The following PORCN variants were observed in gnomAD, a reference collection of about 807,000 sequenced individuals.
The protein encoded by PORCN is porcupine O-acyltransferase.
PORCN carries 1 observed loss-of-function variant against 43.0 expected under a neutral mutation model. That is an observed-to-expected ratio of 0.02 (90% CI 0.01 to 0.11). PORCN has a LOEUF of 0.11. Ranked by LOEUF, PORCN falls within the 10% of genes least tolerant of loss-of-function variation. The pLI, the probability that PORCN is intolerant of heterozygous loss-of-function variation, is 1.00. For synonymous variants in PORCN, 148 were observed against 166.4 expected (o/e 0.89, Z 0.85); for missense variants, 240 against 392.1 (o/e 0.61, Z 3.28).
At chrX:48,514,744 G>A (rs782148296) in intron 10 of PORCN, 119 bp downstream of exon 10, 2 of 566,501 alleles carry the variant, frequency 3.5e-6, no homozygotes, top group South Asian at 2.4e-5. Context: ...CCCTTGTCGA[G>A]CTGCAGTTCT....
chrX:48,515,696 C>T, intron 10 of PORCN, 21 bp from the exon 11 acceptor site: 1 of 1,188,213 alleles, frequency 8.4e-7, no homozygotes. Context: ...AGAATTTTAT[C>T]CCACATCTCT....
At chrX:48,514,488 G>A (rs1221053094) in intron 9 of PORCN, 37 bp from the exon 10 acceptor site, 1 of 1,190,933 alleles carries the variant, frequency 8.4e-7, no homozygotes, top group African/African-American at 1.8e-5. Flanking sequence ...GATGAGTTGA[G>A]ATCCCAAATG....
chrX:48,518,185 A>G (rs1401766269), intron 14 of PORCN, among the ~76,000 whole-genome samples: 2 of 109,973 alleles, frequency 1.8e-5, no homozygotes, highest in African/African-American at 6.6e-5. Context: ...AAGTGCTAGG[A>G]TAACAGGCAT....
intron 10 of PORCN, among the ~76,000 whole-genome samples, 191 bp downstream of exon 10, chrX:48,514,816 T>C (rs1378138094): frequency 2.7e-5 from 3 of 110,964 alleles, no homozygotes; most frequent in Non-Finnish European, 5.7e-5. Context: ...TGTTGATAAG[T>C]GCTATGGTTA....
intron 4 of PORCN, 78 bp downstream of exon 4, chrX:48,512,013 T>A (rs1271157707): frequency 2.5e-6 from 2 of 790,295 alleles, no homozygotes; most frequent in Non-Finnish European, 3.8e-6. Flanking sequence ...ACCCTGTGCC[T>A]TTCCTCTCCT....
Position 48,512,921 on chromosome X carries a change from A to G in PORCN, c.704+69A>G, listed in dbSNP as rs868970361. Reference sequence around the variant, plus strand: ...TGAGTGGGGGCAGAGCCCATGACCAATGGGTTCTGTGTGTCCAAGTGTGTC... The same window carrying G: ...TGAGTGGGGGCAGAGCCCATGACCAGTGGGTTCTGTGTGTCCAAGTGTGTC... On this transcript the variant is annotated intron_variant, in intron 7 of 14. Transcript: ENST00000326194. The G allele has an allele frequency of 2.8e-5, 32 of 1,148,040 alleles. No individual in the cohort carries two copies. In the Middle Eastern group the frequency reaches 3.1e-3, roughly 111 times the overall value. 94.6% of individuals were successfully genotyped at this position (1,148,040 alleles called of 1,213,427 possible). A position where few individuals can be genotyped will look rare whatever the true frequency, so the allele number is the denominator to read the frequency against.
At position 48,520,538 on chromosome X, in the gene PORCN, A is replaced by T; in HGVS notation, c.*62A>T. ...CCTCTCAGGGTGCCACTGATGGGGG[A>T]TGAGGGAAGGCCCTCTCTCTACTCC... On this transcript the variant is annotated 3_prime_UTR_variant, in exon 15 of 15. Coordinates refer to ENST00000326194, the MANE Select transcript of PORCN (RefSeq NM_203475.3). 1.1e-6 allele frequency: 1 copy of T among 871,812 alleles called. No homozygotes were observed. The highest frequency in any genetic ancestry group is 1.7e-6 in the Non-Finnish European group (1 of 589,819). 71.8% of individuals were successfully genotyped at this position (871,812 alleles called of 1,213,427 possible).
At chrX:48,514,198 A>G (rs2061697491) in intron 8 of PORCN, 42 bp from the exon 9 acceptor site, 1 of 1,209,246 alleles carries the variant, frequency 8.3e-7, no homozygotes, top group African/African-American at 1.8e-5. Flanking sequence ...TCATGTTGGG[A>G]CCTGAACGTG....
chrX:48,512,154 G>A (rs2061681045), intron 4 of PORCN, 172 bp from the exon 5 acceptor site: 7 of 564,925 alleles, frequency 1.2e-5, no homozygotes, highest in Non-Finnish European at 9.0e-6. Flanking sequence ...TGACTCTCTG[G>A]AGTAAGGGCA....
intron 1 of PORCN, chrX:48,509,553 CTTCA>C: frequency 9.2e-7 from 1 of 1,085,243 alleles, no homozygotes; most frequent in Non-Finnish European, 1.2e-6. Context: ...GACAGAGGTC[CTTCA>C]TTCACTCCAG....
intron 10 of PORCN, among the ~76,000 whole-genome samples, chrX:48,515,133 C>T (rs2061706515): frequency 8.9e-6 from 1 of 112,340 alleles, no homozygotes; most frequent in African/African-American, 3.2e-5. Context: ...CAGTGGCAGG[C>T]GGTGAGGTCA....
At chrX:48,511,815 G>T in intron 3 of PORCN, 77 bp from the exon 4 acceptor site, 1 of 965,494 alleles carries the variant, frequency 1.0e-6, no homozygotes, top group Non-Finnish European at 1.5e-6. Context: ...TGGGCACCTT[G>T]GACCCCCTTC....
At chrX:48,516,286 G>A (rs782695486) in intron 13 of PORCN, 140 bp downstream of exon 13, 9 of 560,511 alleles carry the variant, frequency 1.6e-5, no homozygotes, top group South Asian at 1.3e-4. Context: ...TCCTCTATTC[G>A]CTGGCATCCG....
chrX:48,517,297 A>C lies in PORCN; in HGVS notation c.1284+4A>C, dbSNP rs782671270. The C allele has an allele frequency of 8.9e-7, 1 of 1,128,032 alleles. No homozygotes were observed. Among genetic ancestry groups the C allele is most frequent in the Non-Finnish European group, 1.2e-6 (1 of 837,003 alleles). The allele number at this position is 1,128,032 out of a possible 1,213,427, so 93.0% of individuals were successfully genotyped here. On this transcript the variant is annotated splice_donor_region_variant and intron_variant, in intron 14 of 14. Coordinates refer to ENST00000326194, the MANE Select transcript of PORCN (RefSeq NM_203475.3). ...GGATGACACCACAGAGGAGCAGGTG[A>C]GGTGGGGCCCTGGGCTGTGTGGTTA...
At chrX:48,512,076 C>T (rs1050776450) in intron 4 of PORCN, 141 bp downstream of exon 4, 15 of 566,254 alleles carry the variant, frequency 2.6e-5, no homozygotes, top group Admixed American at 2.1e-4. Flanking sequence ...TCACATTACT[C>T]TTGGGTCCGT....
intron 10 of PORCN, 60 bp downstream of exon 10, chrX:48,514,685 TACA>T (rs2061702727): frequency 1.2e-5 from 11 of 935,092 alleles, no homozygotes; most frequent in South Asian, 2.0e-5. Flanking sequence ...CATACATTCA[TACA>T]ACATTTACTG....
At chrX:48,510,020 T>C (rs2061662756) in intron 2 of PORCN, 64 bp downstream of exon 2, 1 of 918,811 alleles carries the variant, frequency 1.1e-6, no homozygotes, top group African/African-American at 1.9e-5. Flanking sequence ...CATTCATCCA[T>C]ATCGAGCCAC....
Position 48,520,434 on chromosome X carries a change from G to C in PORCN, c.1344G>C (p.Trp448Cys), listed in dbSNP as rs1186949321. 8.3e-7 allele frequency: 1 copy of C among 1,207,524 alleles called. No homozygotes were observed. The highest frequency in any genetic ancestry group is 1.8e-5 in the African/African-American group (1 of 56,848). ...KWSELSWASH[W>C]VTFGCWIFYR... ...CAGAGCTCAGCTGGGCCAGTCACTG[G>C]GTCACTTTTGGATGCTGGATCTTCT... Residue 448 changes from tryptophan to cysteine, a missense_variant, in exon 15 of 15, where the codon TGG becomes TGC. Trp to Cys is a radical substitution (Grantham distance 215). Transcript: ENST00000326194.
intron 6 of PORCN, 53 bp from the exon 7 acceptor site, chrX:48,512,782 C>A: frequency 8.2e-7 from 1 of 1,212,182 alleles, no homozygotes; most frequent in Non-Finnish European, 1.1e-6. Flanking sequence ...CCCGCGGTTT[C>A]CCCAGTTCTG....
Sources: allele counts gnomAD v4.1 joint callset (sites outside exome capture counted in the v4.1 genomes callset), GRCh38; gene constraint gnomAD v4.1.1; transcripts MANE v1.5; gene names NCBI Gene and HGNC (gene_info 2026-07-23, HGNC 2026-07-21).